PHF21B: variants seen among roughly 807,000 people sequenced by gnomAD.
PHF21B encodes the protein PHD finger protein 4.
A neutral mutation model predicts 62.2 loss-of-function variants in PHF21B; 22 were observed. The observed-to-expected ratio is 0.35, with a 90% CI of 0.25 to 0.51. PHF21B has a LOEUF of 0.51. Ranked by LOEUF, PHF21B falls within the 20% of genes least tolerant of loss-of-function variation. The pLI is 0.97. For missense variants in PHF21B, 701 were observed against 707.9 expected (o/e 0.99, Z 0.11); for synonymous variants, 341 against 314.7 (o/e 1.08, Z -0.88).
intron 2 of PHF21B, among the ~76,000 whole-genome samples, chr22:44,934,222 G>C (rs542695080): frequency 6.6e-6 from 1 of 152,166 alleles, no homozygotes; most frequent in Non-Finnish European, 1.5e-5. Context: ...CTCAGGTGCC[G>C]CTGGCCCTCA....
intron 5 of PHF21B, among the ~76,000 whole-genome samples, chr22:44,904,350 G>C (rs1055434514): frequency 1.3e-5 from 2 of 151,886 alleles, no homozygotes; most frequent in African/African-American, 4.8e-5. Context: ...TATACACTCG[G>C]TTGTTTCTTA....
intron 2 of PHF21B, among the ~76,000 whole-genome samples, chr22:44,930,460 G>A (rs2071718636): frequency 6.6e-6 from 1 of 152,162 alleles, no homozygotes; most frequent in South Asian, 2.1e-4. Context: ...GTCTACAGCT[G>A]GAAGCAGGAG....
chr22:44,939,250 G>A (rs547930745), intron 2 of PHF21B, among the ~76,000 whole-genome samples: 3 of 152,226 alleles, frequency 2.0e-5, no homozygotes, highest in Non-Finnish European at 2.9e-5. Flanking sequence ...GGCAGGAGAC[G>A]CTCCTTCACC....
At chr22:44,893,316 A>AC in intron 7 of PHF21B, 141 bp downstream of exon 7, 2 of 684,526 alleles carry the variant, frequency 2.9e-6, no homozygotes, top group Non-Finnish European at 4.9e-6. Flanking sequence ...ATTTACGGTC[A>AC]CCCCCCAGCC....
At chr22:44,920,118 T>G (rs2071508338) in intron 3 of PHF21B, among the ~76,000 whole-genome samples, 1 of 152,276 alleles carries the variant, frequency 6.6e-6, no homozygotes, top group African/African-American at 2.4e-5. Flanking sequence ...TATCTTGATA[T>G]TTCCATTCTA....
intron 2 of PHF21B, among the ~76,000 whole-genome samples, chr22:44,941,415 C>A (rs1323345309): frequency 2.0e-5 from 3 of 152,206 alleles, no homozygotes; most frequent in African/African-American, 7.2e-5. Context: ...CAATCCTACA[C>A]CTCAGGAGGA....
chr22:44,985,107 G>A (rs906840230), intron 2 of PHF21B, among the ~76,000 whole-genome samples: 11 of 152,158 alleles, frequency 7.2e-5, no homozygotes, highest in Non-Finnish European at 1.0e-4. Context: ...CTAGGACTTC[G>A]AAAACTTTTT....
In PHF21B at chr22:44,896,880, G is replaced by GTATTTTTTTTT. The variant is rs1555933164; in HGVS notation, c.832-798_832-797insAAAAAAAAATA. On this transcript the variant is annotated intron_variant, in intron 5 of 12. Coordinates refer to ENST00000313237, the MANE Select transcript of PHF21B (RefSeq NM_138415.5). Reference sequence around the variant, plus strand: ...AACAGGGTGGCACTTAGTTTTATCTGTTTTTTTTTTTTTTTTGAGACAGGT... The same window carrying GTATTTTTTTTT: ...AACAGGGTGGCACTTAGTTTTATCTGTATTTTTTTTTTTTTTTTTTTTTTTTTGAGACAGGT... Among the ~76,000 whole-genome samples the GTATTTTTTTTT allele has an allele frequency of 2.4e-5, 2 of 84,092 alleles. 1 individual carries two copies. Among genetic ancestry groups the GTATTTTTTTTT allele is most frequent in the African/African-American group, 8.3e-5 (2 of 24,232 alleles). The allele number at this position is 84,092 out of a possible 152,430, so 55.2% of individuals were successfully genotyped here.
rs989105634 is a variant in PHF21B, at chr22:44,910,766, A to C, written c.831+3056T>G. On this transcript the variant is annotated intron_variant, in intron 5 of 12. Transcript: ENST00000313237. ...TTTATCAGCAGTGTAAAATGGACTAATACAGTAAATTGGTACCAGTAGAGT... is the reference window on the plus strand; with the variant it reads ...TTTATCAGCAGTGTAAAATGGACTACTACAGTAAATTGGTACCAGTAGAGT... 7.9e-5 allele frequency among the ~76,000 whole-genome samples: 12 copies of C among 152,352 alleles called. 3 individuals are homozygous for C.
intron 2 of PHF21B, among the ~76,000 whole-genome samples, chr22:45,005,299 G>T (rs1290074840): frequency 6.6e-6 from 1 of 152,160 alleles, no homozygotes; most frequent in East Asian, 1.9e-4. Flanking sequence ...CACCTGGGAA[G>T]GCAGCTTAGC....
chr22:44,961,117 C>T (rs554731267), intron 2 of PHF21B, among the ~76,000 whole-genome samples: 7 of 151,870 alleles, frequency 4.6e-5, no homozygotes, highest in South Asian at 2.1e-4. Flanking sequence ...CCACCACACC[C>T]GGCTCATTTT....
At chr22:44,992,535 G>T (rs1303783397) in intron 2 of PHF21B, among the ~76,000 whole-genome samples, 2 of 152,236 alleles carry the variant, frequency 1.3e-5, no homozygotes, top group African/African-American at 4.8e-5. Context: ...ACATCTAACA[G>T]GCAGGAGCGG....
rs759574568 is a variant in PHF21B, at chr22:44,883,193, C to T, written c.1489G>A (p.Val497Ile). 28 of 1,613,666 alleles carry T rather than the reference C, an allele frequency of 1.7e-5. No homozygotes were observed. The highest frequency in any genetic ancestry group is 2.4e-5 in the Non-Finnish European group (28 of 1,179,990). ...RLIQGEQLLQ[V>I]TMTTTSPAPL... ...GCAGGGCTAGTGGTCGTCATGGTGA[C>T]CTGGAGCAGCTGCTCGCCCTGTATC... is the stretch of plus-strand genomic sequence containing the variant. The change falls in exon 13 of 13, where the codon GTC becomes ATC. Residue 497 changes from valine (V) to isoleucine (I), a missense_variant. Transcript: ENST00000313237.
Position 44,889,727 on chromosome 22 carries a change from G to A in PHF21B, c.1038+33C>T, listed in dbSNP as rs756966357. 3.2e-5 allele frequency: 51 copies of A among 1,581,140 alleles called. 1 individual carries two copies. The highest frequency in any genetic ancestry group is 5.5e-5 in the Admixed American group (3 of 54,350). On this transcript the variant is annotated intron_variant, in intron 9 of 12. Coordinates refer to ENST00000313237, the MANE Select transcript of PHF21B (RefSeq NM_138415.5). ...CTGTACTGAAAACATTCTCCACCCC[G>A]GAAGTGTGAAGACGGAGGGAGGGGA...
At chr22:44,931,580 T>C (rs1283553235) in intron 2 of PHF21B, among the ~76,000 whole-genome samples, 1 of 143,748 alleles carries the variant, frequency 7.0e-6, no homozygotes, top group African/African-American at 2.6e-5. Context: ...TTTATGCTAT[T>C]TAGCAAAAAA....
intron 2 of PHF21B, among the ~76,000 whole-genome samples, chr22:44,935,969 C>A (rs531706244): frequency 6.6e-6 from 1 of 152,204 alleles, no homozygotes; most frequent in African/African-American, 2.4e-5. Flanking sequence ...GGAGACACAC[C>A]ACATTCTGTT....
chr22:45,007,124 T>G (rs2073330040), intron 2 of PHF21B, among the ~76,000 whole-genome samples: 1 of 145,228 alleles, frequency 6.9e-6, no homozygotes, highest in Admixed American at 6.8e-5. Context: ...CGGCACCAAC[T>G]GAAAAGGGTT....
chr22:45,008,432 C>T (rs2073365908), intron 2 of PHF21B, 113 bp downstream of exon 2: 1 of 974,886 alleles, frequency 1.0e-6, no homozygotes, highest in Non-Finnish European at 1.4e-6. Flanking sequence ...GGAGACAGAC[C>T]CCTCTGGGAG....
intron 5 of PHF21B, among the ~76,000 whole-genome samples, chr22:44,899,842 C>T (rs1396738624): frequency 6.6e-6 from 1 of 152,150 alleles, no homozygotes; most frequent in Non-Finnish European, 1.5e-5. Flanking sequence ...TAATTTTACA[C>T]CCTGCTGCAA....
Sources: gnomAD v4.1 joint callset for allele counts (sites outside exome capture counted in the v4.1 genomes callset) on GRCh38, gnomAD v4.1.1 for gene constraint, MANE v1.5 for transcripts, NCBI Gene and HGNC (gene_info 2026-07-23, HGNC 2026-07-21) for gene names.